CSMD3: variants seen among roughly 807,000 people sequenced by gnomAD.
CSMD3 encodes the protein CUB and sushi domain-containing protein 3.
In CSMD3, 177 loss-of-function variants were observed where a neutral mutation model predicts 435.2. The ratio of observed to expected loss-of-function variants is 0.41; its 90% CI spans 0.36 to 0.46. The LOEUF is 0.46. CSMD3 is among the 20% of genes least tolerant of loss of function. The pLI is 0.34. For missense variants in CSMD3, 4,265 were observed against 4,504.6 expected (o/e 0.95, Z 1.52); for synonymous variants, 1,656 against 1,520.5 (o/e 1.09, Z -2.07).
rs530517100 is a variant in CSMD3 at position 113,361,049 on chromosome 8, G to T, written c.179-46256C>A. On this transcript the variant is annotated intron_variant, in intron 1 of 70. Coordinates refer to ENST00000297405, the MANE Select transcript of CSMD3 (RefSeq NM_198123.2). The stretch of plus-strand genomic sequence containing the variant: ...AAGGAACATTTAAGGACTTTAAATT[G>T]ACTCTATTTTATTTTAGATGGCATC... Among the ~76,000 whole-genome samples, 22 of 152,110 alleles carry T rather than the reference G, an allele frequency of 1.4e-4. No individual in the cohort carries two copies. The South Asian group carries it at 4.4e-3, about 30-fold the overall frequency.
chr8:113,390,573 A>G (rs995000764), intron 1 of CSMD3, among the ~76,000 whole-genome samples: 1 of 151,856 alleles, frequency 6.6e-6, no homozygotes, highest in African/African-American at 2.4e-5. Flanking sequence ...AGAAGTTTTC[A>G]TGATATTTTG....
intron 1 of CSMD3, among the ~76,000 whole-genome samples, chr8:113,403,241 T>C (rs1023983214): frequency 1.3e-5 from 2 of 151,338 alleles, no homozygotes; most frequent in African/African-American, 4.8e-5. Flanking sequence ...AAACAACAAG[T>C]GACTGATTTT....
chr8:113,216,587 A>G (rs1342970211), intron 3 of CSMD3, among the ~76,000 whole-genome samples: 1 of 152,016 alleles, frequency 6.6e-6, no homozygotes, highest in Non-Finnish European at 1.5e-5. Context: ...TCCCACCAGA[A>G]ACAATTTAAA....
chr8:112,961,050 T>A (rs997894130), intron 7 of CSMD3, among the ~76,000 whole-genome samples: 1 of 151,742 alleles, frequency 6.6e-6, no homozygotes, highest in Admixed American at 6.6e-5. Context: ...AAATATATAA[T>A]CACAATTTTA....
rs147865420 is a variant in CSMD3 at position 112,921,728 on chromosome 8, G to A, written c.1532C>T (p.Ser511Phe). The A allele has an allele frequency of 1.2e-6, 2 of 1,609,748 alleles. No homozygotes were observed. Among genetic ancestry groups the A allele is most frequent in the Non-Finnish European group, 1.7e-6 (2 of 1,176,466 alleles). ...DFSLGSTVQFSCDEDYVLQGA... is the reference protein window; with the variant it reads ...DFSLGSTVQFFCDEDYVLQGA... ...CTGTAGGACATAATCTTCATCACAA[G>A]AGAACTGCACAGTTGATCCAAGGCT... The change falls in exon 10 of 71, where the codon TCT (serine) becomes TTT (phenylalanine). Residue 511 changes from serine to phenylalanine, a missense_variant. By Grantham distance (155) the Ser-to-Phe change is radical. This residue lies in a region of CSMD3 where 731 missense variants were observed against 755.4 expected (regional missense o/e 0.97). Transcript: ENST00000297405.
Position 112,747,962 on chromosome 8 carries a change from C to CAAAAAAAAAAAAAAAAAAA in CSMD3, c.1972+52181_1972+52199dup, listed in dbSNP as rs71309788. On this transcript the variant is annotated intron_variant, in intron 13 of 70. Transcript: ENST00000297405. The stretch of plus-strand genomic sequence containing the variant: ...TGGGCGACAGAACAAGACTCCGTCT[C>CAAAAAAAAAAAAAAAAAAA]AAAAAAAAAAAAAAAAAAAAAAAAC... Among the ~76,000 whole-genome samples the CAAAAAAAAAAAAAAAAAAA allele has an allele frequency of 5.9e-4, 57 of 96,748 alleles. 1 individual carries two copies. The highest frequency in any genetic ancestry group is 1.0e-3 in the African/African-American group (26 of 25,984). 63.5% of individuals were successfully genotyped at this position (96,748 alleles called of 152,430 possible). A position where few individuals can be genotyped will look rare whatever the true frequency, so the allele number is the denominator to read the frequency against.
chr8:113,183,348 T>C (rs572962687), intron 3 of CSMD3, among the ~76,000 whole-genome samples: 1 of 152,164 alleles, frequency 6.6e-6, no homozygotes, highest in African/African-American at 2.4e-5. Context: ...AAACCACCCC[T>C]GAAAACTTAC....
intron 3 of CSMD3, among the ~76,000 whole-genome samples, chr8:113,221,939 C>T (rs1034785028): frequency 6.6e-6 from 1 of 151,220 alleles, no homozygotes; most frequent in Non-Finnish European, 1.5e-5. Context: ...GTTTTATTCC[C>T]TACTACAACC....
intron 65 of CSMD3, among the ~76,000 whole-genome samples, chr8:112,243,135 T>C (rs539055966): frequency 3.3e-5 from 5 of 152,142 alleles, no homozygotes; most frequent in East Asian, 1.9e-4. Flanking sequence ...TATATTCTAG[T>C]TGAAGAGGGG....
intron 10 of CSMD3, among the ~76,000 whole-genome samples, chr8:112,906,228 C>G (rs565709410): frequency 2.8e-4 from 43 of 151,328 alleles, no homozygotes; most frequent in Non-Finnish European, 5.3e-4. Context: ...GGTAAAATCT[C>G]AGACCCTCAC....
chr8:112,880,240 T>C (rs959245573), intron 10 of CSMD3, among the ~76,000 whole-genome samples: 2 of 152,076 alleles, frequency 1.3e-5, no homozygotes, highest in Admixed American at 6.6e-5. Context: ...AAATGAATAT[T>C]GATGATCTGT....
chr8:112,317,709 C>G (rs1822603963), intron 47 of CSMD3, among the ~76,000 whole-genome samples: 1 of 151,962 alleles, frequency 6.6e-6, no homozygotes, highest in African/African-American at 2.4e-5. Context: ...AATTTATACC[C>G]CCACACCCAC....
chr8:112,535,839 A>T (rs1262272173), intron 27 of CSMD3, among the ~76,000 whole-genome samples: 4 of 152,190 alleles, frequency 2.6e-5, no homozygotes, highest in African/African-American at 9.7e-5. Flanking sequence ...GATCAATGGA[A>T]CAGAACAGAG....
chr8:112,499,215 GA>G (rs755845285), intron 30 of CSMD3, among the ~76,000 whole-genome samples: 5 of 151,768 alleles, frequency 3.3e-5, no homozygotes, highest in Non-Finnish European at 5.9e-5. Context: ...AAAAATAAAA[GA>G]AAAAGGCTAA....
At chr8:112,360,881 C>G (rs1487531912) in intron 38 of CSMD3, among the ~76,000 whole-genome samples, 1 of 151,738 alleles carries the variant, frequency 6.6e-6, no homozygotes, top group Admixed American at 6.6e-5. Context: ...GCAGCAGTTT[C>G]TTTTTCATGT....
chr8:113,360,066 T>C (rs928334091), intron 1 of CSMD3, among the ~76,000 whole-genome samples: 7 of 152,208 alleles, frequency 4.6e-5, no homozygotes, highest in African/African-American at 1.4e-4. Flanking sequence ...AATTTGCCTC[T>C]AGAAATTCAA....
At chr8:112,545,806 T>C (rs922719822) in intron 27 of CSMD3, among the ~76,000 whole-genome samples, 5 of 152,164 alleles carry the variant, frequency 3.3e-5, no homozygotes, top group Admixed American at 6.5e-5. Context: ...ATAAATACAC[T>C]GTGGCTTATT....
intron 22 of CSMD3, among the ~76,000 whole-genome samples, chr8:112,602,289 A>G (rs75857552): frequency 6.6e-6 from 1 of 152,090 alleles, no homozygotes; most frequent in South Asian, 2.1e-4. Context: ...CTCTCTATGC[A>G]TTTGAAAATT....
At chr8:113,340,801 G>A (rs369372838) in intron 1 of CSMD3, among the ~76,000 whole-genome samples, 2 of 151,686 alleles carry the variant, frequency 1.3e-5, no homozygotes, top group South Asian at 2.1e-4. Context: ...CTTGGAAGTC[G>A]GAGGTTGCAG....
Sources: gnomAD v4.1 joint callset for allele counts (sites outside exome capture counted in the v4.1 genomes callset) on GRCh38, gnomAD v4.1.1 for gene constraint, gnomAD v4.1.1 regional missense constraint, MANE v1.5 for transcripts, NCBI Gene and HGNC (gene_info 2026-07-23, HGNC 2026-07-21) for gene names.